Variants in MAPK10 observed in about 807,000 individuals in gnomAD.
MAPK10 encodes mitogen-activated protein kinase 10.
MAPK10 carries 25 observed loss-of-function variants against 59.3 expected under a neutral mutation model. That is an observed-to-expected ratio of 0.42 (90% confidence interval 0.31 to 0.59). MAPK10 has a LOEUF of 0.59. Among genes scored for constraint, MAPK10 ranks in the 20% least tolerant of loss-of-function variants. The pLI is 0.15. For synonymous variants in MAPK10, 190 were observed against 200.5 expected (o/e 0.95, Z 0.44); for missense variants, 351 against 568.9 (o/e 0.62, Z 3.90).
intron 4 of MAPK10, among the ~76,000 whole-genome samples, chr4:86,129,678 T>G (rs1387806893): frequency 1.3e-5 from 2 of 152,144 alleles, no homozygotes; most frequent in Admixed American, 6.5e-5. Context: ...TCTACCTTTT[T>G]CCTGTTGGTT....
At chr4:86,367,308 C>G (rs1738054711) in intron 1 of MAPK10, among the ~76,000 whole-genome samples, 1 of 152,124 alleles carries the variant, frequency 6.6e-6, no homozygotes, top group African/African-American at 2.4e-5. Flanking sequence ...ACCATGTTCA[C>G]TATGATTTCA....
chr4:86,259,317 T>G (rs964030505), intron 2 of MAPK10, among the ~76,000 whole-genome samples: 1 of 152,124 alleles, frequency 6.6e-6, no homozygotes, highest in African/African-American at 2.4e-5. Context: ...TCTAATGTCT[T>G]CTTAAACATC....
At chr4:86,565,595 CAG>C (rs1761001770) in intron 1 of MAPK10, among the ~76,000 whole-genome samples, 1 of 152,252 alleles carries the variant, frequency 6.6e-6, no homozygotes, top group East Asian at 1.9e-4. Flanking sequence ...CTAAGGGAAA[CAG>C]AGCACAATGA....
At chr4:86,271,605 C>T (rs970076932) in intron 2 of MAPK10, among the ~76,000 whole-genome samples, 25 of 151,796 alleles carry the variant, frequency 1.6e-4, no homozygotes, top group African/African-American at 5.3e-4. Flanking sequence ...AAAGACATAC[C>T]CTAAACTGGG....
chr4:86,557,525 G>A (rs1760360214), intron 1 of MAPK10, among the ~76,000 whole-genome samples: 1 of 151,926 alleles, frequency 6.6e-6, no homozygotes, highest in African/African-American at 2.4e-5. Context: ...CAATCAATTA[G>A]GAAATAATAT....
chr4:86,478,721 C>G (rs1753328536), intron 1 of MAPK10, among the ~76,000 whole-genome samples: 2 of 152,112 alleles, frequency 1.3e-5, no homozygotes, highest in South Asian at 4.2e-4. Flanking sequence ...ACATTCACCC[C>G]ATTTCCCCAT....
At chr4:86,315,706 G>A (rs758688475) in intron 2 of MAPK10, among the ~76,000 whole-genome samples, 2 of 152,042 alleles carry the variant, frequency 1.3e-5, no homozygotes, top group Non-Finnish European at 2.9e-5. Flanking sequence ...TTATTTATGT[G>A]TATGTACAGG....
At chr4:86,183,276 C>T (rs571152136) in intron 3 of MAPK10, among the ~76,000 whole-genome samples, 33 of 151,260 alleles carry the variant, frequency 2.2e-4, no homozygotes, top group African/African-American at 7.1e-4. Context: ...TTTCCAAATG[C>T]TATCCCTCCC....
intron 1 of MAPK10, among the ~76,000 whole-genome samples, chr4:86,392,024 A>T (rs2149009599): frequency 1.3e-5 from 2 of 152,306 alleles, no homozygotes; most frequent in South Asian, 4.1e-4. Flanking sequence ...CAATTCTAAA[A>T]TTCCCTCTGC....
intron 1 of MAPK10, among the ~76,000 whole-genome samples, chr4:86,504,853 G>T (rs1411142220): frequency 6.6e-6 from 1 of 152,100 alleles, no homozygotes; most frequent in Non-Finnish European, 1.5e-5. Context: ...AAGAGGAAAA[G>T]AAGTGCTACA....
At chr4:86,059,932 C>T (rs1561126541) in intron 11 of MAPK10, among the ~76,000 whole-genome samples, 2 of 152,176 alleles carry the variant, frequency 1.3e-5, no homozygotes, top group Non-Finnish European at 2.9e-5. Flanking sequence ...CCCAGGTTCA[C>T]CTACTAGAGA....
intron 2 of MAPK10, among the ~76,000 whole-genome samples, chr4:86,348,338 A>C (rs1729342951): frequency 6.6e-6 from 1 of 152,190 alleles, no homozygotes; most frequent in Non-Finnish European, 1.5e-5. Context: ...TAAAATAGGA[A>C]TGTTCAGTAG....
At chr4:86,169,327 A>T (rs1436516278) in intron 3 of MAPK10, among the ~76,000 whole-genome samples, 1 of 152,188 alleles carries the variant, frequency 6.6e-6, no homozygotes, top group Non-Finnish European at 1.5e-5. Context: ...AAAAATTTAG[A>T]CGAATGTATA....
intron 2 of MAPK10, among the ~76,000 whole-genome samples, chr4:86,208,583 C>A (rs373780652): frequency 1.3e-5 from 2 of 151,696 alleles, no homozygotes; most frequent in South Asian, 4.2e-4. Context: ...ATTGATGGGA[C>A]GTATCTCAAA....
chr4:86,585,960 G>A (rs1762625137), intron 1 of MAPK10, among the ~76,000 whole-genome samples: 1 of 152,138 alleles, frequency 6.6e-6, no homozygotes, highest in Admixed American at 6.5e-5. Flanking sequence ...CAGACAATAT[G>A]AAATCACACT....
chr4:86,536,317 T>C (rs1331835451), intron 1 of MAPK10, among the ~76,000 whole-genome samples: 1 of 152,216 alleles, frequency 6.6e-6, no homozygotes, highest in Non-Finnish European at 1.5e-5. Context: ...TTCAAAGAAG[T>C]GGAGCCAAGG....
chr4:86,169,156 A>C (rs9714693), intron 3 of MAPK10, among the ~76,000 whole-genome samples: 12,842 of 151,304 alleles, frequency 0.085, 1,191 homozygotes, highest in African/African-American at 0.23. Context: ...AAGCAGAGCG[A>C]CTCTCCTCCT....
Position 86,310,136 on chromosome 4 carries a change from TC to T in MAPK10, c.-7+44393del, listed in dbSNP as rs761130855. Among the ~76,000 whole-genome samples the T allele has an allele frequency of 7.2e-5, 11 of 152,294 alleles. No individual in the cohort carries two copies. The East Asian group carries it at 2.1e-3, about 29-fold the overall frequency. Reference sequence around the variant, plus strand: ...AAGCTCCCTCCCCCTTTTCTAGACTTCCTGCCCTTGCTTCAGGATGTCCCAC... The same window carrying T: ...AAGCTCCCTCCCCCTTTTCTAGACTTCTGCCCTTGCTTCAGGATGTCCCAC... On this transcript the variant is annotated intron_variant, in intron 2 of 13. Coordinates refer to ENST00000641462, the MANE Select transcript of MAPK10 (RefSeq NM_138982.4).
intron 1 of MAPK10, among the ~76,000 whole-genome samples, chr4:86,405,938 T>C (rs2149021912): frequency 6.6e-6 from 1 of 152,314 alleles, no homozygotes; most frequent in East Asian, 1.9e-4. Context: ...TGCAGGCGTC[T>C]TTTTAACTGA....
Sources: allele counts gnomAD v4.1 joint callset (sites outside exome capture counted in the v4.1 genomes callset), GRCh38; gene constraint gnomAD v4.1.1; transcripts MANE v1.5; gene names NCBI Gene and HGNC (gene_info 2026-07-23, HGNC 2026-07-21).